Variants in INPP4B observed in about 807,000 individuals in gnomAD.
INPP4B encodes the protein inositol polyphosphate-4-phosphatase type II B.
Under a neutral mutation model 122.5 loss-of-function variants are expected in INPP4B, and 55 were observed. The ratio of observed to expected loss-of-function variants is 0.45; its 90% CI spans 0.36 to 0.56. The LOEUF is 0.56. Among genes scored for constraint, INPP4B ranks in the 20% least tolerant of loss-of-function variants. The pLI is 0.00. For synonymous variants in INPP4B, 403 were observed against 388.7 expected, an observed-to-expected ratio of 1.04 and a Z score of -0.43; for missense variants, 1,000 against 1,097.7, an observed-to-expected ratio of 0.91 and a Z score of 1.26.
intron 5 of INPP4B, among the ~76,000 whole-genome samples, chr4:142,428,905 T>G (rs1233994466): frequency 1.3e-5 from 2 of 151,972 alleles, no homozygotes; most frequent in African/African-American, 4.8e-5. Context: ...AGTCACTACG[T>G]TAGACTGAGT....
Position 142,061,936 on chromosome 4 carries a change from ATAT to A in INPP4B, c.2642+20092_2642+20094del, listed in dbSNP as rs1257803962. 3.5e-3 allele frequency among the ~76,000 whole-genome samples: 460 copies of A among 132,772 alleles called. 5 individuals carry two copies. Among genetic ancestry groups the A allele is most frequent in the African/African-American group, 0.014 (427 of 30,986 alleles). 87.1% of individuals were successfully genotyped at this position (132,772 alleles called of 152,430 possible). A position where few individuals can be genotyped will look rare whatever the true frequency, so the allele number is the denominator to read the frequency against. ...TATATATATATATATATATATATAT[ATAT>A]ATCTGTAACTTTGGTCTCCAAAGCA... On this transcript the variant is annotated intron_variant, in intron 25 of 25. Coordinates refer to ENST00000262992, the MANE Select transcript of INPP4B (RefSeq NM_001101669.3).
intron 7 of INPP4B, among the ~76,000 whole-genome samples, chr4:142,333,016 AAAAAAAAAAAAC>A (rs1243461083): frequency 2.0e-5 from 3 of 149,768 alleles, no homozygotes; most frequent in African/African-American, 5.0e-5. Flanking sequence ...GTCTCAAAAA[AAAAAAAAAAAAC>A]AAAAAAAAAA....
chr4:142,029,789 G>A, intron 25 of INPP4B: 2 of 1,003,118 alleles, frequency 2.0e-6, no homozygotes, highest in Non-Finnish European at 2.4e-6. Flanking sequence ...GCAAATTTCA[G>A]TCTTAATTTC....
At chr4:142,708,419 C>T (rs1223786391) in intron 2 of INPP4B, among the ~76,000 whole-genome samples, 3 of 152,152 alleles carry the variant, frequency 2.0e-5, no homozygotes, top group South Asian at 2.1e-4. Context: ...AACTTCAAGG[C>T]AGCCTCTCCC....
intron 25 of INPP4B, among the ~76,000 whole-genome samples, chr4:142,059,904 C>G (rs556212594): frequency 6.6e-6 from 1 of 152,300 alleles, no homozygotes; most frequent in South Asian, 2.1e-4. Flanking sequence ...TACTGGTATT[C>G]TGTTCCCTTT....
At chr4:142,543,446 T>C (rs1829169402) in intron 2 of INPP4B, among the ~76,000 whole-genome samples, 1 of 152,194 alleles carries the variant, frequency 6.6e-6, no homozygotes, top group Non-Finnish European at 1.5e-5. Context: ...TATTTGTGGA[T>C]AATAGGCAGA....
At chr4:142,452,013 C>G (rs77627938) in intron 3 of INPP4B, among the ~76,000 whole-genome samples, 1 of 152,104 alleles carries the variant, frequency 6.6e-6, no homozygotes, top group Non-Finnish European at 1.5e-5. Context: ...ATCAACTCAT[C>G]ATTTACATTA....
In INPP4B at chr4:142,324,746, C is replaced by T. The variant is rs558892203; in HGVS notation, c.373-9984G>A. Among the ~76,000 whole-genome samples the T allele has an allele frequency of 1.1e-4, 16 of 152,200 alleles. No individual in the cohort carries two copies. The South Asian group carries it at 3.1e-3, about 30-fold the overall frequency. On this transcript the variant is annotated intron_variant, in intron 7 of 25. Coordinates refer to ENST00000262992, the MANE Select transcript of INPP4B (RefSeq NM_001101669.3). ...GTTGTCAGTTTCTCTCTCTAGTTTCCCAAGCACTGTGAAACTATGGGGACT... is the reference window on the plus strand; with the variant it reads ...GTTGTCAGTTTCTCTCTCTAGTTTCTCAAGCACTGTGAAACTATGGGGACT...
At chr4:142,202,092 G>A (rs1380289145) in intron 14 of INPP4B, among the ~76,000 whole-genome samples, 1 of 151,886 alleles carries the variant, frequency 6.6e-6, no homozygotes, top group African/African-American at 2.4e-5. Flanking sequence ...TTGGCTTTGT[G>A]AAAATTGCAT....
At chr4:142,564,452 AAAGAAAG>A (rs778363278) in intron 2 of INPP4B, among the ~76,000 whole-genome samples, 4 of 119,556 alleles carry the variant, frequency 3.3e-5, no homozygotes, top group Non-Finnish European at 6.9e-5. Context: ...AAAAAAAAAA[AAAGAAAG>A]AAAGAAAGAA....
At chr4:142,164,989 G>T (rs755178521) in intron 16 of INPP4B, among the ~76,000 whole-genome samples, 1 of 151,536 alleles carries the variant, frequency 6.6e-6, no homozygotes, top group Non-Finnish European at 1.5e-5. Context: ...AGCCCACAAG[G>T]GACCTTAAAT....
At chr4:142,824,302 ATCTG>A (rs1250848044) in intron 1 of INPP4B, among the ~76,000 whole-genome samples, 6 of 127,040 alleles carry the variant, frequency 4.7e-5, no homozygotes, top group African/African-American at 1.5e-4. Flanking sequence ...TCTATTATCT[ATCTG>A]TCTATCTATC....
rs565737751 is a variant in INPP4B at position 142,162,903 on chromosome 4, GATCACCAGT to G, written c.1360-2351_1360-2343del. Among the ~76,000 whole-genome samples, 348 of 151,940 alleles carry G rather than the reference GATCACCAGT, an allele frequency of 2.3e-3. 1 individual carries two copies. Among genetic ancestry groups the G allele is most frequent in the African/African-American group, 8.0e-3 (330 of 41,484 alleles). ...TATCTGACTTCTTGGAAACTCTCTG[GATCACCAGT>G]ATCCTGTGTAGAGAATCACATTTTT... On this transcript the variant is annotated intron_variant, in intron 16 of 25. Coordinates refer to ENST00000262992, the MANE Select transcript of INPP4B (RefSeq NM_001101669.3).
intron 2 of INPP4B, among the ~76,000 whole-genome samples, chr4:142,488,123 T>C (rs546377990): frequency 2.0e-5 from 3 of 152,238 alleles, no homozygotes; most frequent in African/African-American, 7.2e-5. Flanking sequence ...GAATGTTGAA[T>C]TTTTCAGTTG....
intron 12 of INPP4B, among the ~76,000 whole-genome samples, chr4:142,225,011 G>T (rs542546781): frequency 1.3e-5 from 2 of 152,200 alleles, no homozygotes; most frequent in African/African-American, 2.4e-5. Flanking sequence ...TATTGTTTCT[G>T]GGTGTATCTG....
chr4:142,275,799 C>T (rs72939298), intron 9 of INPP4B, among the ~76,000 whole-genome samples: 117 of 151,800 alleles, frequency 7.7e-4, no homozygotes, highest in Middle Eastern at 3.4e-3. Context: ...CTGCTCTTTT[C>T]TCAGTATAGG....
intron 6 of INPP4B, among the ~76,000 whole-genome samples, chr4:142,404,681 C>G (rs182719881): frequency 3.0e-4 from 45 of 152,150 alleles, no homozygotes; most frequent in African/African-American, 9.6e-4. Flanking sequence ...TGAAAAACAT[C>G]GTAAGTTGAA....
chr4:142,309,254 A>T lies in INPP4B; in HGVS notation c.424-3717T>A, dbSNP rs1322215507. 2.0e-5 allele frequency among the ~76,000 whole-genome samples: 3 copies of T among 152,182 alleles called. No individual in the cohort carries two copies. The East Asian group carries it at 5.8e-4, about 29-fold the overall frequency. On this transcript the variant is annotated intron_variant, in intron 8 of 25. Coordinates refer to ENST00000262992, the MANE Select transcript of INPP4B (RefSeq NM_001101669.3). The stretch of plus-strand genomic sequence containing the variant: ...TTTGGGAAAAGGCAAAGTATTTTTT[A>T]AAAAGTCTATGAGAAATGCCTGCAC...
In INPP4B at chr4:142,193,179, G is replaced by A. The variant is rs2149359251; in HGVS notation, c.1089C>T (p.Val363=). The part of the protein sequence containing the change: ...SPHLKDALYD[V]ITVGAPAAHF... ...GGGCAGCTGGGGCTCCCACAGTGAT[G>A]ACATCGTAGAGAGCATCTGGAGTAG... The change falls in exon 15 of 26, where the codon GTC becomes GTT. Residue 363 remains valine, a synonymous_variant. Transcript: ENST00000262992. The A allele has an allele frequency of 6.2e-7, 1 of 1,609,656 alleles. No homozygotes were observed.
Sources: allele counts gnomAD v4.1 joint callset (sites outside exome capture counted in the v4.1 genomes callset), GRCh38; gene constraint gnomAD v4.1.1; transcripts MANE v1.5; gene names NCBI Gene and HGNC (gene_info 2026-07-23, HGNC 2026-07-21).